The following IMPA2 variants were observed in gnomAD, a reference collection of about 807,000 sequenced individuals.
IMPA2 encodes the protein IMP 2.
A neutral mutation model predicts 35.1 loss-of-function variants in IMPA2; 32 were observed. The ratio of observed to expected loss-of-function variants is 0.91; its 90% CI spans 0.69 to 1.23. The LOEUF (loss-of-function observed/expected upper bound fraction) is 1.23. Ranked by LOEUF, IMPA2 falls within the 50% of genes most tolerant of loss-of-function variation. The pLI, the probability that IMPA2 is intolerant of heterozygous loss-of-function variation, is 0.00. For missense variants in IMPA2, 334 were observed against 387.6 expected, an observed-to-expected ratio of 0.86 and a Z score of 1.16; for synonymous variants, 135 against 160.6, an observed-to-expected ratio of 0.84 and a Z score of 1.20.
chr18:12,016,783 C>G (rs1401831936), intron 5 of IMPA2, among the ~76,000 whole-genome samples: 1 of 152,140 alleles, frequency 6.6e-6, no homozygotes, highest in Non-Finnish European at 1.5e-5. Context: ...GAATCTCAGT[C>G]CTCATATTGA....
chr18:11,992,616 A>T lies in IMPA2; in HGVS notation c.97-6438A>T, dbSNP rs931714431. Among the ~76,000 whole-genome samples, 4 of 148,960 alleles carry T rather than the reference A, an allele frequency of 2.7e-5. 1 individual carries two copies. The Middle Eastern group carries it at 0.01, about 380-fold the overall frequency. ...CATATTTTATATGTTATACATTAACAGAATGCTACTGGAAGGAGAGACCCG... is the reference window on the plus strand; with the variant it reads ...CATATTTTATATGTTATACATTAACTGAATGCTACTGGAAGGAGAGACCCG... On this transcript the variant is annotated intron_variant, in intron 1 of 7. Transcript: ENST00000269159.
chr18:11,995,452 A>G (rs55638894), intron 1 of IMPA2, among the ~76,000 whole-genome samples: 28,737 of 152,268 alleles, frequency 0.19, 2,935 homozygotes, highest in South Asian at 0.32. Context: ...GCTTGCTCCA[A>G]CTTGGAGGTT....
At chr18:12,022,965 TTG>T (rs1555647009) in intron 5 of IMPA2, among the ~76,000 whole-genome samples, 21 of 144,150 alleles carry the variant, frequency 1.5e-4, no homozygotes, top group African/African-American at 5.4e-4. Flanking sequence ...TTTTTTTTTT[TTG>T]TACTTTTAGT....
At chr18:12,029,202 A>G (rs1458479720) in intron 7 of IMPA2, among the ~76,000 whole-genome samples, 1 of 136,356 alleles carries the variant, frequency 7.3e-6, no homozygotes, top group East Asian at 2.1e-4. Flanking sequence ...CAACCATCCT[A>G]CTCACGGGTT....
At chr18:11,981,925 G>A (rs1278304912) in intron 1 of IMPA2, among the ~76,000 whole-genome samples, 160 bp downstream of exon 1, 1 of 152,160 alleles carries the variant, frequency 6.6e-6, no homozygotes, top group African/African-American at 2.4e-5. Context: ...CTTTGTGCTG[G>A]TGTCCTGGAC....
intron 5 of IMPA2, among the ~76,000 whole-genome samples, chr18:12,014,626 G>A (rs1907528233): frequency 6.6e-6 from 1 of 152,042 alleles, no homozygotes; most frequent in African/African-American, 2.4e-5. Context: ...CAGGCTAAAA[G>A]TACTCCAGTC....
chr18:12,025,400 G>C (rs938690318), intron 5 of IMPA2, among the ~76,000 whole-genome samples: 10 of 152,202 alleles, frequency 6.6e-5, no homozygotes, highest in Admixed American at 2.0e-4. Context: ...GGGCACGATT[G>C]CTGGACGGTA....
intron 1 of IMPA2, among the ~76,000 whole-genome samples, chr18:11,998,522 AT>A (rs1568029713): frequency 6.6e-6 from 1 of 152,240 alleles, no homozygotes; most frequent in Non-Finnish European, 1.5e-5. Flanking sequence ...CAGTGGGAAC[AT>A]TTACAATCAG....
Position 11,991,920 on chromosome 18 carries a change from C to T in IMPA2, c.97-7134C>T, listed in dbSNP as rs534530785. On this transcript the variant is annotated intron_variant, in intron 1 of 7. Coordinates refer to ENST00000269159, the MANE Select transcript of IMPA2 (RefSeq NM_014214.3). The surrounding 1 kb of genome is among the most constrained non-coding windows in gnomAD (Gnocchi z 4.1). The stretch of plus-strand genomic sequence containing the variant: ...GTGCAGTGGCGTAATCTTGGCTCAC[C>T]GCAACCTCCACCTCCTGGGCTCACG... Among the ~76,000 whole-genome samples the T allele has an allele frequency of 1.3e-4, 20 of 152,028 alleles. No homozygotes were observed. The highest frequency in any genetic ancestry group is 9.8e-4 in the Admixed American group (15 of 15,304).
chr18:12,020,059 A>G (rs1189717013), intron 5 of IMPA2, among the ~76,000 whole-genome samples: 2 of 151,202 alleles, frequency 1.3e-5, no homozygotes, highest in Non-Finnish European at 2.9e-5. Flanking sequence ...TACTTTTAGT[A>G]AAGACAGGAT....
Position 12,010,038 on chromosome 18 carries a change from T to C in IMPA2, c.335+51T>C, listed in dbSNP as rs1907391728. On this transcript the variant is annotated intron_variant, in intron 3 of 7. Coordinates refer to ENST00000269159, the MANE Select transcript of IMPA2 (RefSeq NM_014214.3). The surrounding 1 kb of genome is among the most constrained non-coding windows in gnomAD (Gnocchi z 4.8). ...TTGCAGGGCTTAACATGTCCTCTTC[T>C]GTGAGGTTTTGTCTTTTCAAAAGCA... The C allele has an allele frequency of 7.2e-7, 1 of 1,388,292 alleles. No individual in the cohort carries two copies. Among genetic ancestry groups the C allele is most frequent in the South Asian group, 1.2e-5 (1 of 86,174 alleles). 86.0% of individuals were successfully genotyped at this position (1,388,292 alleles called of 1,614,324 possible).
chr18:12,020,865 T>C (rs890021725), intron 5 of IMPA2, among the ~76,000 whole-genome samples: 1 of 152,172 alleles, frequency 6.6e-6, no homozygotes, highest in Non-Finnish European at 1.5e-5. Context: ...ATTTCTTTTT[T>C]TTGGCAAAAT....
At chr18:12,020,567 T>G (rs1907701849) in intron 5 of IMPA2, among the ~76,000 whole-genome samples, 1 of 152,192 alleles carries the variant, frequency 6.6e-6, no homozygotes, top group South Asian at 2.1e-4. Context: ...ATTGTGTTGC[T>G]TTGTTTTTTG....
chr18:12,015,144 A>AT (rs1907542733), intron 5 of IMPA2, among the ~76,000 whole-genome samples: 1 of 152,154 alleles, frequency 6.6e-6, no homozygotes, highest in Non-Finnish European at 1.5e-5. Context: ...AAGCTCCATA[A>AT]TACCTGCATG....
intron 2 of IMPA2, among the ~76,000 whole-genome samples, chr18:12,000,610 T>TTG (rs1224346379): frequency 1.4e-5 from 2 of 140,304 alleles, no homozygotes; most frequent in African/African-American, 5.6e-5. Flanking sequence ...TGTAAAGTGT[T>TTG]TGTGATTTTT....
rs568173098 is a variant in IMPA2, at chr18:11,991,279, C to T, written c.97-7775C>T. 3.3e-5 allele frequency among the ~76,000 whole-genome samples: 5 copies of T among 152,014 alleles called. No individual in the cohort carries two copies. The highest frequency in any genetic ancestry group is 6.6e-5 in the Admixed American group (1 of 15,264). On this transcript the variant is annotated intron_variant, in intron 1 of 7. Transcript: ENST00000269159. This position sits in a 1 kb window ranked among gnomAD's most constrained non-coding sequence, Gnocchi z 4.1. ...GCCAGTGCCTTGTCAGGGCGGAGGGCGACTAGAGATCAAGGTGAGGGGAAA... is the reference window on the plus strand; with the variant it reads ...GCCAGTGCCTTGTCAGGGCGGAGGGTGACTAGAGATCAAGGTGAGGGGAAA...
chr18:11,983,741 C>T lies in IMPA2; in HGVS notation c.96+1976C>T, dbSNP rs141295777. Among the ~76,000 whole-genome samples, 290 of 152,216 alleles carry T rather than the reference C, an allele frequency of 1.9e-3. 1 individual carries two copies. Among genetic ancestry groups the T allele is most frequent in the African/African-American group, 5.9e-3 (246 of 41,530 alleles). On this transcript the variant is annotated intron_variant, in intron 1 of 7. Transcript: ENST00000269159. ...CAGGCATTATGCTGATGCTTCCTGC[C>T]TGCCGGGCAGTGCTGAGGGAATGGC...
rs968342454 is a variant in IMPA2, at chr18:11,983,086, C to G, written c.96+1321C>G. Among the ~76,000 whole-genome samples, 4 of 152,128 alleles carry G rather than the reference C, an allele frequency of 2.6e-5. No individual in the cohort carries two copies. The East Asian group carries it at 7.7e-4, about 29-fold the overall frequency. ...TTTTTTGTTGAAGGGCCTTCCTTCC[C>G]TTTGTAGTTTGAAGAACCCAAGCCT... is the stretch of plus-strand genomic sequence containing the variant. On this transcript the variant is annotated intron_variant, in intron 1 of 7. Coordinates refer to ENST00000269159, the MANE Select transcript of IMPA2 (RefSeq NM_014214.3).
intron 5 of IMPA2, among the ~76,000 whole-genome samples, chr18:12,016,808 A>G (rs927142477): frequency 6.6e-6 from 1 of 152,210 alleles, no homozygotes; most frequent in Non-Finnish European, 1.5e-5. Context: ...GGGGATGCTG[A>G]TGATAATAAA....
Sources: allele counts gnomAD v4.1 joint callset (sites outside exome capture counted in the v4.1 genomes callset), GRCh38; gene constraint gnomAD v4.1.1; non-coding constraint Gnocchi (gnomAD v3.1); transcripts MANE v1.5; gene names NCBI Gene and HGNC (gene_info 2026-07-23, HGNC 2026-07-21).